The following DAAM1 variants were observed in gnomAD, a reference collection of about 807,000 sequenced individuals.
DAAM1 encodes the protein dishevelled associated activator of morphogenesis 1.
DAAM1 carries 52 observed loss-of-function variants against 130.0 expected under a neutral mutation model. The observed-to-expected ratio is 0.40, with a 90% CI of 0.32 to 0.50. The LOEUF (loss-of-function observed/expected upper bound fraction) is 0.50. Ranked by LOEUF, DAAM1 falls within the 20% of genes least tolerant of loss-of-function variation. The pLI is 0.61. For missense variants in DAAM1, 1,134 were observed against 1,303.8 expected, an observed-to-expected ratio of 0.87 and a Z score of 2.01; for synonymous variants, 452 against 444.5, an observed-to-expected ratio of 1.02 and a Z score of -0.21.
At position 59,355,352 on chromosome 14, in the gene DAAM1, A is replaced by C. The variant is rs1886436449; in HGVS notation, c.2525+19A>C. 6.2e-7 allele frequency: 1 copy of C among 1,612,738 alleles called. No individual in the cohort carries two copies. The highest frequency in any genetic ancestry group is 1.3e-5 in the African/African-American group (1 of 74,878). ...TCGACAAGTAAGTATGAGATCTTCC[A>C]ACACTTGGGGGAGCCAGGTGTGTAG... On this transcript the variant is annotated intron_variant, in intron 20 of 24. Transcript: ENST00000360909.
chr14:59,338,454 C>G, intron 15 of DAAM1: 2 of 1,605,962 alleles, frequency 1.2e-6, no homozygotes, highest in Non-Finnish European at 8.5e-7. Flanking sequence ...AATATAACTC[C>G]TTGGCTCACT....
chr14:59,321,817 C>G (rs1347537172), intron 5 of DAAM1, among the ~76,000 whole-genome samples: 2 of 152,198 alleles, frequency 1.3e-5, no homozygotes, highest in African/African-American at 4.8e-5. Context: ...CAGCATTTCT[C>G]TCAATATGTT....
At chr14:59,352,998 A>G (rs1383864708) in intron 18 of DAAM1, among the ~76,000 whole-genome samples, 1 of 152,016 alleles carries the variant, frequency 6.6e-6, no homozygotes, top group Non-Finnish European at 1.5e-5. Context: ...AAACAAAAAA[A>G]AAAAAAAGAA....
chr14:59,317,769 C>G (rs1248431350), intron 4 of DAAM1, among the ~76,000 whole-genome samples: 1 of 152,182 alleles, frequency 6.6e-6, no homozygotes, highest in Non-Finnish European at 1.5e-5. Context: ...AGGTGGTCAT[C>G]TAATTGGGAA....
intron 3 of DAAM1, among the ~76,000 whole-genome samples, chr14:59,296,849 A>G (rs1883972698): frequency 6.6e-6 from 1 of 152,232 alleles, no homozygotes; most frequent in Non-Finnish European, 1.5e-5. Flanking sequence ...GACCAAATCT[A>G]ATCTTTACTA....
At chr14:59,250,581 C>T (rs1273964588) in intron 1 of DAAM1, among the ~76,000 whole-genome samples, 1 of 152,108 alleles carries the variant, frequency 6.6e-6, no homozygotes, top group African/African-American at 2.4e-5. Flanking sequence ...TGCAAACATC[C>T]TTTTTTCAGT....
intron 15 of DAAM1, among the ~76,000 whole-genome samples, chr14:59,334,376 T>C (rs971503880): frequency 7.2e-5 from 11 of 152,184 alleles, no homozygotes; most frequent in Non-Finnish European, 1.0e-4. Context: ...TATAATTCAC[T>C]TGAACTGCTC....
At chr14:59,277,551 T>C (rs1883025606) in intron 2 of DAAM1, among the ~76,000 whole-genome samples, 1 of 151,432 alleles carries the variant, frequency 6.6e-6, no homozygotes, top group Non-Finnish European at 1.5e-5. Flanking sequence ...ATTAATATCA[T>C]CTCCAAGAAG....
chr14:59,342,884 C>T (rs1350850536), intron 16 of DAAM1, among the ~76,000 whole-genome samples: 1 of 152,070 alleles, frequency 6.6e-6, no homozygotes, highest in Non-Finnish European at 1.5e-5. Context: ...CGTGCAGCAG[C>T]AAAGATGTGG....
intron 3 of DAAM1, among the ~76,000 whole-genome samples, chr14:59,305,149 T>C (rs1386525116): frequency 6.6e-6 from 1 of 152,220 alleles, no homozygotes; most frequent in Non-Finnish European, 1.5e-5. Context: ...AATATGTTAA[T>C]TTACAAACCA....
chr14:59,337,546 C>A (rs1438725228), intron 15 of DAAM1, among the ~76,000 whole-genome samples: 3 of 152,204 alleles, frequency 2.0e-5, no homozygotes, highest in Non-Finnish European at 4.4e-5. Context: ...CACACCAAAG[C>A]CTTATTCATT....
chr14:59,214,247 C>G (rs900288235), intron 1 of DAAM1, among the ~76,000 whole-genome samples: 39 of 152,184 alleles, frequency 2.6e-4, no homozygotes, highest in African/African-American at 8.2e-4. Context: ...ACCTCTTTGT[C>G]TTTCTTGTAT....
chr14:59,368,005 GAAT>G (rs1192210726), intron 24 of DAAM1, among the ~76,000 whole-genome samples: 1 of 152,006 alleles, frequency 6.6e-6, no homozygotes, highest in African/African-American at 2.4e-5. Flanking sequence ...TGTATTCAAA[GAAT>G]AATGATACAG....
chr14:59,354,068 T>C, intron 19 of DAAM1, 104 bp downstream of exon 19: 1 of 1,207,790 alleles, frequency 8.3e-7, no homozygotes, highest in Non-Finnish European at 1.2e-6. Flanking sequence ...GGTGATTTTT[T>C]TTTTTTTTTT....
At chr14:59,248,444 G>C (rs1274550693) in intron 1 of DAAM1, among the ~76,000 whole-genome samples, 1 of 152,120 alleles carries the variant, frequency 6.6e-6, no homozygotes, top group African/African-American at 2.4e-5. Flanking sequence ...TTTGTCTCCT[G>C]CAGCTTCAGA....
chr14:59,260,865 G>A (rs1042739230), intron 1 of DAAM1, among the ~76,000 whole-genome samples: 5 of 152,192 alleles, frequency 3.3e-5, no homozygotes, highest in African/African-American at 4.8e-5. Context: ...AGGCAAGAGC[G>A]AGAAGGAATG....
chr14:59,269,611 G>A (rs1423339472), intron 2 of DAAM1, among the ~76,000 whole-genome samples: 1 of 152,208 alleles, frequency 6.6e-6, no homozygotes, highest in Non-Finnish European at 1.5e-5. Flanking sequence ...CTTAGCTTAG[G>A]TCTCAGTGAA....
At chr14:59,317,626 C>T (rs1245415068) in intron 4 of DAAM1, among the ~76,000 whole-genome samples, 1 of 152,180 alleles carries the variant, frequency 6.6e-6, no homozygotes. Flanking sequence ...GCAACTACTA[C>T]ATGACAAGCA....
chr14:59,360,550 T>C (rs1886667721), intron 21 of DAAM1: 1 of 301,848 alleles, frequency 3.3e-6, no homozygotes, highest in African/African-American at 2.2e-5. Context: ...TTTGTACAGA[T>C]GGAAGATATT....
Sources: allele counts gnomAD v4.1 joint callset (sites outside exome capture counted in the v4.1 genomes callset), GRCh38; gene constraint gnomAD v4.1.1; transcripts MANE v1.5; gene names NCBI Gene and HGNC (gene_info 2026-07-23, HGNC 2026-07-21).